PHF24: variants seen among roughly 807,000 people sequenced by gnomAD.
PHF24 encodes the protein PHD finger protein 24.
PHF24 carries 25 observed loss-of-function variants against 42.6 expected under a neutral mutation model. The ratio of observed to expected loss-of-function variants is 0.59; its 90% CI spans 0.43 to 0.82. The LOEUF is 0.82. Ranked by LOEUF, PHF24 falls within the 40% of genes least tolerant of loss-of-function variation. PHF24 has a pLI of 0.00. For missense variants in PHF24, 470 were observed against 538.1 expected, an observed-to-expected ratio of 0.87 and a Z score of 1.25; for synonymous variants, 185 against 204.8, an observed-to-expected ratio of 0.90 and a Z score of 0.83.
chr9:34,772,747 T>C, the PHF24 span, among the ~76,000 whole-genome samples: 3 of 152,180 alleles, frequency 2.0e-5, no homozygotes, highest in African/African-American at 2.4e-5. Flanking sequence ...AATTTGCAGA[T>C]GAGCAGGGGA....
chr9:34,727,120 G>C, the PHF24 span: 3 of 1,420,014 alleles, frequency 2.1e-6, no homozygotes, highest in Admixed American at 2.8e-5. Flanking sequence ...TTGTCTACCT[G>C]TCTGCTTTCC....
chr9:34,807,708 G>A, the PHF24 span, among the ~76,000 whole-genome samples: 9 of 152,100 alleles, frequency 5.9e-5, no homozygotes, highest in Non-Finnish European at 1.2e-4. Context: ...AAAGGCAGAA[G>A]ATCTATATTG....
the PHF24 span, among the ~76,000 whole-genome samples, chr9:34,738,573 C>G: frequency 6.6e-6 from 1 of 152,102 alleles, no homozygotes; most frequent in Non-Finnish European, 1.5e-5. Context: ...GTCTTGATCT[C>G]CTGACCTCAT....
At chr9:34,907,758 C>T in the PHF24 span, among the ~76,000 whole-genome samples, 1 of 151,688 alleles carries the variant, frequency 6.6e-6, no homozygotes, top group African/African-American at 2.4e-5. Context: ...AGTTTTTTTT[C>T]CCCTTTTTCT....
the PHF24 span, among the ~76,000 whole-genome samples, chr9:34,773,255 G>T: frequency 6.6e-6 from 1 of 152,300 alleles, no homozygotes; most frequent in South Asian, 2.1e-4. Flanking sequence ...CTCCCAAAGT[G>T]CTGGGATTAC....
chr9:34,909,709 C>T, the PHF24 span, among the ~76,000 whole-genome samples: 37 of 151,892 alleles, frequency 2.4e-4, 1 homozygote, highest in East Asian at 7.8e-4. Flanking sequence ...GCAAGCTCCG[C>T]CTCCCGGGCT....
chr9:34,835,607 G>C, the PHF24 span: 2 of 1,551,838 alleles, frequency 1.3e-6, no homozygotes, highest in Middle Eastern at 1.7e-4. Flanking sequence ...TCCTGGTTCA[G>C]TGGAGCCCTT....
the PHF24 span, among the ~76,000 whole-genome samples, chr9:34,772,947 C>CTCTAA: frequency 1.3e-5 from 2 of 151,366 alleles, no homozygotes; most frequent in African/African-American, 4.9e-5. Context: ...TCTAAAAGAC[C>CTCTAA]AGGAGCACCA....
At chr9:34,978,057 C>T (rs1259472901) in exon 8 of PHF24, 9 of 1,614,118 alleles carry the variant, frequency 5.6e-6, no homozygotes, top group Admixed American at 1.7e-5. Flanking sequence ...ATGTCCTCTA[C>T]ATCCTGGCTG....
chr9:34,678,511 A>G, the PHF24 span, among the ~76,000 whole-genome samples: 1 of 150,872 alleles, frequency 6.6e-6, no homozygotes, highest in East Asian at 2.0e-4. Context: ...ATTTTTGTAT[A>G]TTTAGTAGAG....
chr9:34,686,361 C>T, the PHF24 span, among the ~76,000 whole-genome samples: 8 of 152,290 alleles, frequency 5.3e-5, no homozygotes, highest in South Asian at 4.1e-4. Flanking sequence ...TCTGAACAAA[C>T]GCTCAACCAC....
the PHF24 span, among the ~76,000 whole-genome samples, chr9:34,673,069 G>T: frequency 6.6e-6 from 1 of 152,200 alleles, no homozygotes; most frequent in South Asian, 2.1e-4. Flanking sequence ...TACACAAAAA[G>T]ATTAGTCAGA....
the PHF24 span, among the ~76,000 whole-genome samples, chr9:34,677,135 C>T: frequency 2.0e-5 from 3 of 152,336 alleles, no homozygotes; most frequent in African/African-American, 4.8e-5. Context: ...AGCCACCATC[C>T]CTCCAGGGGC....
At chr9:34,883,105 C>A in the PHF24 span, among the ~76,000 whole-genome samples, 1 of 152,118 alleles carries the variant, frequency 6.6e-6, no homozygotes, top group African/African-American at 2.4e-5. Context: ...GAAAAACAAG[C>A]AATGGGGAAA....
At chr9:34,973,622 A>T (rs1025801673) in intron 3 of PHF24, among the ~76,000 whole-genome samples, 1 of 152,178 alleles carries the variant, frequency 6.6e-6, no homozygotes, top group Non-Finnish European at 1.5e-5. Flanking sequence ...TGCTGCTTAG[A>T]CGAAAGCAGA....
the PHF24 span, among the ~76,000 whole-genome samples, chr9:34,920,568 T>C: frequency 2.6e-5 from 4 of 152,206 alleles, no homozygotes; most frequent in Non-Finnish European, 5.9e-5. Context: ...AGGGATTGCA[T>C]TGAATCTGTA....
chr9:34,835,937 C>A, the PHF24 span: 1 of 750,174 alleles, frequency 1.3e-6, no homozygotes, highest in South Asian at 1.5e-5. Flanking sequence ...GAGATCTAGT[C>A]ATTCTCATCC....
the PHF24 span, among the ~76,000 whole-genome samples, chr9:34,752,983 C>A: frequency 6.6e-6 from 1 of 151,978 alleles, no homozygotes; most frequent in Non-Finnish European, 1.5e-5. Flanking sequence ...ATTTAACATC[C>A]CTTCATGATA....
chr9:34,838,416 T>C, the PHF24 span: 3 of 1,273,600 alleles, frequency 2.4e-6, no homozygotes, highest in Non-Finnish European at 3.4e-6. Context: ...GCCAGATAAT[T>C]ACAATAACGA....
Sources: allele counts gnomAD v4.1 joint callset (sites outside exome capture counted in the v4.1 genomes callset), GRCh38; gene constraint gnomAD v4.1.1; transcripts MANE v1.5; gene names NCBI Gene and HGNC (gene_info 2026-07-23, HGNC 2026-07-21).